The following DEGS2 variants were observed in gnomAD, a reference collection of about 807,000 sequenced individuals.
DEGS2 encodes delta 4-desaturase, sphingolipid 2.
Under a neutral mutation model 23.8 loss-of-function variants are expected in DEGS2, and 19 were observed. That is an observed-to-expected ratio of 0.80 (90% CI 0.56 to 1.17). The LOEUF is 1.17. Among genes scored for constraint, DEGS2 ranks in the 50% most tolerant of loss-of-function variants. The pLI is 0.00. For synonymous variants in DEGS2, 218 were observed against 213.7 expected (o/e 1.02, Z -0.18); for missense variants, 390 against 459.5 (o/e 0.85, Z 1.38).
chr14:100,146,413 A>G lies in DEGS2; in HGVS notation c.*348T>C. ...GACCACCCCCTCAGAAGCACAATCC[A>G]TGGGCTGTGAAACAAACGCCGGGTT... On this transcript the variant is annotated 3_prime_UTR_variant, in exon 3 of 3. Transcript: ENST00000305631. The G allele has an allele frequency of 4.0e-6, 1 of 251,484 alleles. No individual in the cohort carries two copies. The highest frequency in any genetic ancestry group is 2.3e-5 in the African/African-American group (1 of 43,692). The allele number at this position is 251,484 out of a possible 1,614,324, so 15.6% of individuals were successfully genotyped here. A position where few individuals can be genotyped will look rare whatever the true frequency, so the allele number is the denominator to read the frequency against.
chr14:100,146,711 G>A lies in DEGS2; in HGVS notation c.*50C>T, dbSNP rs1889450663. The A allele has an allele frequency of 1.2e-6, 2 of 1,600,614 alleles. No individual in the cohort carries two copies. The highest frequency in any genetic ancestry group is 1.3e-5 in the African/African-American group (1 of 74,856). On this transcript the variant is annotated 3_prime_UTR_variant, in exon 3 of 3. Transcript: ENST00000305631. ...TAGCTTCTCAGTGCTGGGGTGCAAGGCTGAGGGGCCGATGGGGGACAATGG... is the reference window on the plus strand; with the variant it reads ...TAGCTTCTCAGTGCTGGGGTGCAAGACTGAGGGGCCGATGGGGGACAATGG...
At chr14:100,149,875 GC>G (rs1403968843) in intron 1 of DEGS2, among the ~76,000 whole-genome samples, 165 bp from the exon 2 acceptor site, 5 of 152,210 alleles carry the variant, frequency 3.3e-5, no homozygotes, top group African/African-American at 9.7e-5. Context: ...GGGCCCGCTG[GC>G]CCCCACCCTG....
chr14:100,163,542 G>A (rs185823700), upstream of DEGS2, among the ~76,000 whole-genome samples: 230 of 152,250 alleles, frequency 1.5e-3, 1 homozygote, highest in African/African-American at 5.1e-3. Flanking sequence ...GGATCCAAGC[G>A]GCCTCATAGC....
At chr14:100,165,229 A>T in the DEGS2 span, among the ~76,000 whole-genome samples, 1 of 152,100 alleles carries the variant, frequency 6.6e-6, no homozygotes, top group Non-Finnish European at 1.5e-5. Context: ...ACAACTCCGG[A>T]CAGCCCCTCT....
In DEGS2 at chr14:100,149,095, T is replaced by G; in HGVS notation, c.698A>C (p.His233Pro). ...HPISGHFVAE[H>P]YMFLKGHETY... ...CTCGTGGCCCTTGAGGAACATGTAGTGCTCGGCCACGAAGTGGCCCGAGAT... is the reference window on the plus strand; with the variant it reads ...CTCGTGGCCCTTGAGGAACATGTAGGGCTCGGCCACGAAGTGGCCCGAGAT... Residue 233 changes from histidine to proline, a missense_variant, in exon 2 of 3, where the codon CAC becomes CCC. Coordinates refer to ENST00000305631, the MANE Select transcript of DEGS2 (RefSeq NM_206918.3). The G allele has an allele frequency of 1.2e-6, 2 of 1,612,806 alleles. No homozygotes were observed. The highest frequency in any genetic ancestry group is 1.7e-6 in the Non-Finnish European group (2 of 1,179,948).
At chr14:100,159,456 A>C (rs1228932297) in intron 1 of DEGS2, 50 bp downstream of exon 1, 3 of 1,402,244 alleles carry the variant, frequency 2.1e-6, no homozygotes, top group Non-Finnish European at 2.8e-6. Context: ...GCGACTCCAG[A>C]CGGGCCAACG....
chr14:100,165,954 CT>C, the DEGS2 span, among the ~76,000 whole-genome samples: 1 of 86,994 alleles, frequency 1.1e-5, no homozygotes, highest in Non-Finnish European at 2.3e-5. Flanking sequence ...GGGAGCCTGC[CT>C]GGGAGAGTGG....
At chr14:100,162,984 G>A (rs1372606544), upstream of DEGS2, among the ~76,000 whole-genome samples, 3 of 152,228 alleles carry the variant, frequency 2.0e-5, no homozygotes, top group Non-Finnish European at 4.4e-5. Flanking sequence ...CCATGACCCA[G>A]AGACAGCACA....
rs1290691160 is a variant in DEGS2 at position 100,149,065 on chromosome 14, T to C, written c.728A>G (p.Tyr243Cys). 1 of 1,612,840 alleles carries C rather than the reference T, an allele frequency of 6.2e-7. No homozygotes were observed. Among genetic ancestry groups the C allele is most frequent in the Non-Finnish European group, 8.5e-7 (1 of 1,179,978 alleles). Reference sequence around the variant, plus strand: ...CCAGTTGAGAGGCCCATAGTAGGAGTAGGTCTCGTGGCCCTTGAGGAACAT... The same window carrying C: ...CCAGTTGAGAGGCCCATAGTAGGAGCAGGTCTCGTGGCCCTTGAGGAACAT... Reference protein sequence around the residue: ...HYMFLKGHETYSYYGPLNWIT... With the variant: ...HYMFLKGHETCSYYGPLNWIT... Residue 243 changes from tyrosine to cysteine, a missense_variant, in exon 2 of 3, where the codon TAC (tyrosine) becomes TGC (cysteine). Coordinates refer to ENST00000305631, the MANE Select transcript of DEGS2 (RefSeq NM_206918.3).
At chr14:100,151,505 G>A (rs545782909) in intron 1 of DEGS2, among the ~76,000 whole-genome samples, 1 of 152,326 alleles carries the variant, frequency 6.6e-6, no homozygotes, top group East Asian at 1.9e-4. Flanking sequence ...ACTGCAGCAC[G>A]TGGCTGAGGG....
At chr14:100,159,673 AT>A, upstream of DEGS2, 1 of 197,496 alleles carries the variant, frequency 5.1e-6, no homozygotes, top group Non-Finnish European at 9.3e-6. Flanking sequence ...ACCAGCTCTG[AT>A]TAGGGCGGGG....
At chr14:100,156,048 GGAGCT>G in intron 1 of DEGS2, among the ~76,000 whole-genome samples, 1 of 152,226 alleles carries the variant, frequency 6.6e-6, no homozygotes. Context: ...CTCCCCGGCA[GGAGCT>G]GGAGATGGAC....
Position 100,144,017 on chromosome 14 carries a change from C to T in DEGS2, c.*2744G>A, listed in dbSNP as rs967423825. On this transcript the variant is annotated 3_prime_UTR_variant, in exon 3 of 3. Transcript: ENST00000305631. ...GTACATTTCTTTGGGTTTCTAGAGA[C>T]GCCCCTAAGTCACCTGCTTCATTAG... 4.3e-5 allele frequency: 21 copies of T among 486,832 alleles called. No individual in the cohort carries two copies. Among genetic ancestry groups the T allele is most frequent in the Admixed American group, 1.5e-4 (4 of 27,208 alleles). The allele number at this position is 486,832 out of a possible 1,614,324, so 30.2% of individuals were successfully genotyped here.
rs751778475 is a variant in DEGS2 at position 100,159,490 on chromosome 14, C to A, written c.82+16G>T. 5 of 1,482,770 alleles carry A rather than the reference C, an allele frequency of 3.4e-6. No homozygotes were observed. In the South Asian group the frequency reaches 6.4e-5, roughly 19 times the overall value. 91.9% of individuals were successfully genotyped at this position (1,482,770 alleles called of 1,614,324 possible). A position where few individuals can be genotyped will look rare whatever the true frequency, so the allele number is the denominator to read the frequency against. The stretch of plus-strand genomic sequence containing the variant: ...CGGGGCGGTCCCCACCGGGGTGGGC[C>A]CCGCGCGGCGCTCACCCAGTATCTC... On this transcript the variant is annotated intron_variant, in intron 1 of 2. Coordinates refer to ENST00000305631, the MANE Select transcript of DEGS2 (RefSeq NM_206918.3).
the DEGS2 span, among the ~76,000 whole-genome samples, chr14:100,165,361 G>C: frequency 6.6e-6 from 1 of 152,226 alleles, no homozygotes; most frequent in Non-Finnish European, 1.5e-5. Context: ...TCCTCCCCCT[G>C]ACTTCAGCAG....
intron 1 of DEGS2, among the ~76,000 whole-genome samples, chr14:100,151,126 C>T (rs1203094439): frequency 6.6e-6 from 1 of 152,264 alleles, no homozygotes; most frequent in African/African-American, 2.4e-5. Flanking sequence ...AGGGGCCCAC[C>T]AGCCTGCGTC....
chr14:100,157,201 T>C (rs1289461059), intron 1 of DEGS2, among the ~76,000 whole-genome samples: 1 of 152,242 alleles, frequency 6.6e-6, no homozygotes, highest in African/African-American at 2.4e-5. Context: ...ACTGCCCGTT[T>C]TGCAGATTGG....
In DEGS2 at chr14:100,145,725, C is replaced by T. The variant is rs917714428; in HGVS notation, c.*1036G>A. The T allele has an allele frequency of 7.9e-5, 12 of 152,612 alleles. No individual in the cohort carries two copies. The highest frequency in any genetic ancestry group is 5.2e-4 in the Admixed American group (8 of 15,312). The allele number at this position is 152,612 out of a possible 1,614,324, so 9.5% of individuals were successfully genotyped here. ...TCCTGCTGCCTGCCCACCTCTGGGA[C>T]ATCAGGACCCAACCCAGCCCTGCCC... On this transcript the variant is annotated 3_prime_UTR_variant, in exon 3 of 3. Transcript: ENST00000305631.
chr14:100,150,856 C>T (rs1382675984), intron 1 of DEGS2, among the ~76,000 whole-genome samples: 1 of 152,164 alleles, frequency 6.6e-6, no homozygotes, highest in Non-Finnish European at 1.5e-5. Context: ...CACAGAAGGA[C>T]AGCAGCGCCC....
Sources: gnomAD v4.1 joint callset for allele counts (sites outside exome capture counted in the v4.1 genomes callset) on GRCh38, gnomAD v4.1.1 for gene constraint, MANE v1.5 for transcripts, NCBI Gene and HGNC (gene_info 2026-07-23, HGNC 2026-07-21) for gene names.